The following SPMIP7 variants were observed in gnomAD, a reference collection of about 807,000 sequenced individuals.
SPMIP7 encodes the protein protein SPMIP7.
the SPMIP7 span, among the ~76,000 whole-genome samples, chr7:50,100,811 A>AG: frequency 1.5e-5 from 2 of 130,590 alleles, no homozygotes; most frequent in Admixed American, 8.1e-5. Context: ...GATGCCGTCC[A>AG]AAAATAAATA....
At chr7:50,097,618 C>T in the SPMIP7 span, among the ~76,000 whole-genome samples, 1 of 149,848 alleles carries the variant, frequency 6.7e-6, no homozygotes, top group Non-Finnish European at 1.5e-5. Flanking sequence ...GCCTGTGTAT[C>T]CTTACTTGTA....
At chr7:50,124,744 G>T in the SPMIP7 span, among the ~76,000 whole-genome samples, 1 of 152,030 alleles carries the variant, frequency 6.6e-6, no homozygotes, top group Non-Finnish European at 1.5e-5. Flanking sequence ...AGAAAAATTA[G>T]CCTTATTTGC....
chr7:50,106,457 A>T, the SPMIP7 span, among the ~76,000 whole-genome samples: 50 of 152,320 alleles, frequency 3.3e-4, no homozygotes, highest in African/African-American at 1.1e-3. Context: ...TAATCCAAGT[A>T]AATAAGAAAA....
the SPMIP7 span, chr7:50,121,447 C>T: frequency 1.3e-5 from 2 of 152,158 alleles, no homozygotes; most frequent in Non-Finnish European, 2.9e-5. Flanking sequence ...TGCAAACCAG[C>T]AAAAGATGTT....
At chr7:50,096,652 C>A in the SPMIP7 span, 1 of 1,495,184 alleles carries the variant, frequency 6.7e-7, no homozygotes. Flanking sequence ...AATGAAGTGA[C>A]ATGAACTTTC....
the SPMIP7 span, among the ~76,000 whole-genome samples, chr7:50,139,241 C>A: frequency 2.6e-4 from 39 of 150,728 alleles, 1 homozygote; most frequent in East Asian, 7.5e-3. Context: ...CACTGCTACT[C>A]GAGAGGCTGA....
At chr7:50,138,445 A>G in the SPMIP7 span, among the ~76,000 whole-genome samples, 2 of 152,232 alleles carry the variant, frequency 1.3e-5, no homozygotes, top group Non-Finnish European at 2.9e-5. Flanking sequence ...GACATCACAT[A>G]CGAAAAACAC....
chr7:50,144,505 C>G, the SPMIP7 span, among the ~76,000 whole-genome samples: 1 of 152,130 alleles, frequency 6.6e-6, no homozygotes, highest in South Asian at 2.1e-4. Context: ...TTATATTGCC[C>G]AAGCCCTGAA....
chr7:50,121,133 C>T, the SPMIP7 span, among the ~76,000 whole-genome samples: 1 of 152,160 alleles, frequency 6.6e-6, no homozygotes, highest in Non-Finnish European at 1.5e-5. Context: ...GCATAATCAT[C>T]CAACTAATTT....
the SPMIP7 span, among the ~76,000 whole-genome samples, chr7:50,139,160 C>T: frequency 6.6e-6 from 1 of 151,898 alleles, no homozygotes. Flanking sequence ...ACCATCCTGG[C>T]CAACGTGGTG....
the SPMIP7 span, chr7:50,117,236 G>A: frequency 3.9e-4 from 176 of 455,644 alleles, 1 homozygote; most frequent in African/African-American, 3.3e-3. Context: ...TAACATTCAG[G>A]CATTAGGAGT....
chr7:50,124,139 T>G, the SPMIP7 span, among the ~76,000 whole-genome samples: 2 of 152,030 alleles, frequency 1.3e-5, no homozygotes, highest in African/African-American at 4.8e-5. Context: ...TTACAAGACA[T>G]AGAGAGAGTC....
chr7:50,118,810 G>T, the SPMIP7 span, among the ~76,000 whole-genome samples: 1 of 152,200 alleles, frequency 6.6e-6, no homozygotes, highest in South Asian at 2.1e-4. Context: ...GGCTTTAATG[G>T]TAATCATTAC....
chr7:50,108,760 A>T, the SPMIP7 span, among the ~76,000 whole-genome samples: 1 of 152,192 alleles, frequency 6.6e-6, no homozygotes, highest in Non-Finnish European at 1.5e-5. Context: ...ATAAATTTTT[A>T]TCTATTTGAA....
the SPMIP7 span, chr7:50,159,022 C>G: frequency 9.7e-6 from 15 of 1,550,170 alleles, no homozygotes; most frequent in South Asian, 1.8e-4. Context: ...TCATTTTCCT[C>G]CTTTTTTTCC....
At chr7:50,149,983 T>C in the SPMIP7 span, among the ~76,000 whole-genome samples, 1 of 152,258 alleles carries the variant, frequency 6.6e-6, no homozygotes, top group Non-Finnish European at 1.5e-5. Context: ...ATCCCAGAGA[T>C]GACATGGGGA....
chr7:50,113,703 C>T, the SPMIP7 span, among the ~76,000 whole-genome samples: 1 of 151,688 alleles, frequency 6.6e-6, no homozygotes, highest in African/African-American at 2.4e-5. Flanking sequence ...AGTAAGAAGT[C>T]TAACATACAT....
At chr7:50,140,258 T>C in the SPMIP7 span, 1 of 775,388 alleles carries the variant, frequency 1.3e-6, no homozygotes, top group Non-Finnish European at 2.0e-6. Context: ...CTCACGCATG[T>C]TGTATTCACT....
chr7:50,105,750 T>C, the SPMIP7 span, among the ~76,000 whole-genome samples: 1 of 152,226 alleles, frequency 6.6e-6, no homozygotes, highest in East Asian at 1.9e-4. Context: ...TCTAGGCTAT[T>C]CTGAATTTAG....
Sources: gnomAD v4.1 joint callset for allele counts (sites outside exome capture counted in the v4.1 genomes callset) on GRCh38, gnomAD v4.1.1 for gene constraint, MANE v1.5 for transcripts, NCBI Gene and HGNC (gene_info 2026-07-23, HGNC 2026-07-21) for gene names.